The following NEB variants were observed in gnomAD, a reference collection of about 807,000 sequenced individuals.
NEB encodes nebulin, also known as nemaline myopathy type 2.
NEB carries 512 observed loss-of-function variants against 952.2 expected under a neutral mutation model. The observed-to-expected ratio is 0.54, with a 90% confidence interval of 0.50 to 0.58. The LOEUF (loss-of-function observed/expected upper bound fraction) is 0.58. Ranked by LOEUF, NEB falls within the 20% of genes least tolerant of loss-of-function variation. NEB has a pLI of 0.00. For synonymous variants in NEB, 2,900 were observed against 3,149.8 expected (o/e 0.92, Z 2.66); for missense variants, 8,428 against 9,231.1 (o/e 0.91, Z 3.56).
rs201738560 is a variant in NEB at position 151,655,319 on chromosome 2, T to C, written c.6758A>G (p.Asp2253Gly). 1.2e-6 allele frequency: 2 copies of C among 1,602,438 alleles called. No individual in the cohort carries two copies. Among genetic ancestry groups the C allele is most frequent in the Middle Eastern group, 1.7e-4 (1 of 6,032 alleles). ...CTTGGCTTGTAAAATATCTGGTGTA[T>C]CAGGCATCACATGAATCTTGGTCTT... is the stretch of plus-strand genomic sequence containing the variant. Reference protein sequence around the residue: ...KDKTKIHVMPDTPDILQAKQN... With the variant: ...KDKTKIHVMPGTPDILQAKQN... Residue 2253 changes from aspartate (D) to glycine (G), a missense_variant, in exon 51 of 182, where the codon GAT becomes GGT. Asp to Gly is a moderately conservative substitution (Grantham distance 94). Around this residue, in one of 11 missense-constraint regions of NEB, gnomAD observed 2,851 missense variants for 2,791.5 expected, o/e 1.02. Coordinates refer to ENST00000397345, the MANE Select transcript of NEB (RefSeq NM_001164508.2).
At chr2:151,729,017 A>G (rs1385501479) in intron 4 of NEB, among the ~76,000 whole-genome samples, 4 of 152,192 alleles carry the variant, frequency 2.6e-5, no homozygotes, top group African/African-American at 7.2e-5. Context: ...TCATGCTCAA[A>G]GAGAAACAGC....
intron 113 of NEB, among the ~76,000 whole-genome samples, chr2:151,567,835 A>T (rs1372857675): frequency 2.6e-5 from 4 of 152,172 alleles, no homozygotes; most frequent in Non-Finnish European, 4.4e-5. Context: ...GAATTTGAAC[A>T]ATTGCTTTTA....
intron 60 of NEB, among the ~76,000 whole-genome samples, chr2:151,641,669 A>G (rs1352044698): frequency 6.6e-6 from 1 of 152,156 alleles, no homozygotes; most frequent in Non-Finnish European, 1.5e-5. Context: ...GTATTTCATT[A>G]TATGGTATTT....
In NEB at chr2:151,565,027, C is replaced by G. The variant is rs1277219355; in HGVS notation, c.18471+17G>C. ...CAAATTAGAAATTGAGTGGTTATTA[C>G]ATAAAAGAGAACTTACAGTACTGTA... On this transcript the variant is annotated intron_variant, in intron 117 of 181. Transcript: ENST00000397345. The G allele has an allele frequency of 7.0e-7, 1 of 1,430,458 alleles. No homozygotes were observed. Among genetic ancestry groups the G allele is most frequent in the African/African-American group, 1.4e-5 (1 of 70,776 alleles). The allele number at this position is 1,430,458 out of a possible 1,614,324, so 88.6% of individuals were successfully genotyped here.
At chr2:151,640,756 A>AC in intron 60 of NEB, 90 bp from the exon 61 acceptor site, 1 of 1,322,680 alleles carries the variant, frequency 7.6e-7, no homozygotes, top group Non-Finnish European at 1.0e-6. Flanking sequence ...ATTAAAAAAA[A>AC]AATTTTCCCT....
rs550543287 is a variant in NEB at position 151,534,935 on chromosome 2, C to T, written c.21312+756G>A. Among the ~76,000 whole-genome samples, 417 of 152,240 alleles carry T rather than the reference C, an allele frequency of 2.7e-3. 2 individuals are homozygous for T. The highest frequency in any genetic ancestry group is 4.0e-3 in the Non-Finnish European group (271 of 68,014). On this transcript the variant is annotated intron_variant, in intron 142 of 181. Transcript: ENST00000397345. ...AAAGTCATACATTTAAGTAAATATACCATTGGCTATATTTTCATTTTTAGA... is the reference window on the plus strand; with the variant it reads ...AAAGTCATACATTTAAGTAAATATATCATTGGCTATATTTTCATTTTTAGA...
chr2:151,552,395 C>A (rs530125387), intron 128 of NEB, among the ~76,000 whole-genome samples: 4 of 152,292 alleles, frequency 2.6e-5, no homozygotes, highest in Non-Finnish European at 5.9e-5. Context: ...AATAAACTTG[C>A]TATGACACAG....
In NEB at chr2:151,640,617, G is replaced by T; in HGVS notation, c.8423C>A (p.Ala2808Asp). Reference sequence around the variant, plus strand: ...CTTGGGGTCATCACGTATAGCTCGGGCACCAATGTGGTGGCCGAGCTGCTT... The same window carrying T: ...CTTGGGGTCATCACGTATAGCTCGGTCACCAATGTGGTGGCCGAGCTGCTT... ...YRKQLGHHIG[A>D]RAIRDDPKMM... The change falls in exon 61 of 182, where the codon GCC becomes GAC. Residue 2808 changes from alanine (A) to aspartate (D), a missense_variant. Around this residue, in one of 11 missense-constraint regions of NEB, gnomAD observed 1,772 missense variants for 1,960.3 expected, o/e 0.90. Coordinates refer to ENST00000397345, the MANE Select transcript of NEB (RefSeq NM_001164508.2). 1 of 1,613,852 alleles carries T rather than the reference G, an allele frequency of 6.2e-7. No individual in the cohort carries two copies. The highest frequency in any genetic ancestry group is 1.1e-5 in the South Asian group (1 of 91,068).
Position 151,560,627 on chromosome 2 carries a change from T to C in NEB, c.19279A>G (p.Thr6427Ala). 6.2e-7 allele frequency: 1 copy of C among 1,612,648 alleles called. No individual in the cohort carries two copies. Among genetic ancestry groups the C allele is most frequent in the Non-Finnish European group, 8.5e-7 (1 of 1,179,422 alleles). ...YILPSSTLSL[T>A]HAKNQKHLAS... ...AGATGCTTCTGGTTCTTGGCGTGTGTCAGGGACAAGGTGCTGGAAGGCAGG... is the reference window on the plus strand; with the variant it reads ...AGATGCTTCTGGTTCTTGGCGTGTGCCAGGGACAAGGTGCTGGAAGGCAGG... The change falls in exon 124 of 182, where the codon ACA (threonine) becomes GCA (alanine). Residue 6427 changes from threonine to alanine, a missense_variant. By Grantham distance (58) the Thr-to-Ala change is moderately conservative (BLOSUM62 0). This residue lies in a region of NEB where 3,374 missense variants were observed against 3,651.5 expected (regional missense o/e 0.92). Transcript: ENST00000397345.
intron 103 of NEB, 84 bp downstream of exon 103, chr2:151,581,399 T>C (rs2097087400): frequency 2.5e-6 from 1 of 392,542 alleles, no homozygotes; most frequent in East Asian, 3.7e-5. Context: ...AAATGCCTTT[T>C]GACAAACTCT....
chr2:151,694,325 C>T lies in NEB; in HGVS notation c.1894G>A (p.Asp632Asn). The T allele has an allele frequency of 1.2e-6, 2 of 1,612,568 alleles. No individual in the cohort carries two copies. The highest frequency in any genetic ancestry group is 1.7e-6 in the Non-Finnish European group (2 of 1,178,608). ...HSLKVAKNQSDRLYKENYEKT... is the reference protein window; with the variant it reads ...HSLKVAKNQSNRLYKENYEKT... Reference sequence around the variant, plus strand: ...GGGTGAATTACAAAGAAACTCACATCACTCTGGTTTTTGGCCACCTTCAAG... The same window carrying T: ...GGGTGAATTACAAAGAAACTCACATTACTCTGGTTTTTGGCCACCTTCAAG... The change falls in exon 20 of 182, where the codon GAT (aspartate) becomes AAT (asparagine). Residue 632 changes from aspartate to asparagine, a missense_variant and splice_region_variant. By Grantham distance (23) the Asp-to-Asn change is conservative. This residue lies in a region of NEB where 2,851 missense variants were observed against 2,791.5 expected (regional missense o/e 1.02). Coordinates refer to ENST00000397345, the MANE Select transcript of NEB (RefSeq NM_001164508.2).
chr2:151,670,373 T>A (rs1038784531), intron 38 of NEB, among the ~76,000 whole-genome samples: 4 of 152,084 alleles, frequency 2.6e-5, no homozygotes, highest in Non-Finnish European at 5.9e-5. Flanking sequence ...AATTAACAAG[T>A]CATGTGAGGC....
At chr2:151,673,253 T>C (rs998543927) in intron 36 of NEB, among the ~76,000 whole-genome samples, 2 of 152,210 alleles carry the variant, frequency 1.3e-5, no homozygotes, top group African/African-American at 2.4e-5. Flanking sequence ...AGCAATGTGA[T>C]ATAAATTGGA....
rs1458705313 is a variant in NEB at position 151,496,978 on chromosome 2, A to G, written c.24356T>C (p.Met8119Thr). Residue 8119 changes from methionine (M) to threonine (T), a missense_variant, in exon 172 of 182, where the codon ATG becomes ACG. Around this residue, in one of 11 missense-constraint regions of NEB, gnomAD observed 3,374 missense variants for 3,651.5 expected, o/e 0.92. Coordinates refer to ENST00000397345, the MANE Select transcript of NEB (RefSeq NM_001164508.2). ...KGTPLPVTPE[M>T]ERVKHNQENI... ...TTCTTGATTGTGTTTGACTCTCTCCATCTCAGGAGTGACAGGTAGAGGGGT... is the reference window on the plus strand; with the variant it reads ...TTCTTGATTGTGTTTGACTCTCTCCGTCTCAGGAGTGACAGGTAGAGGGGT... 3 of 1,581,560 alleles carry G rather than the reference A, an allele frequency of 1.9e-6. No homozygotes were observed. Among genetic ancestry groups the G allele is most frequent in the Admixed American group, 3.6e-5 (2 of 55,208 alleles).
In NEB at chr2:151,575,768, T is replaced by G; in HGVS notation, c.16940A>C (p.Lys5647Thr). ...PKYREVWDKDKTSIHIMPDTP... is the reference protein window; with the variant it reads ...PKYREVWDKDTTSIHIMPDTP... ...ATCTGGCATTATGTGTATTGAAGTT[T>G]TATCCTTGTCCCAAACCTCTCTGTA... The change falls in exon 107 of 182, where the codon AAA becomes ACA. Residue 5647 changes from lysine (K) to threonine (T), a missense_variant. Coordinates refer to ENST00000397345, the MANE Select transcript of NEB (RefSeq NM_001164508.2). The G allele has an allele frequency of 1.2e-6, 2 of 1,609,848 alleles. No homozygotes were observed. Among genetic ancestry groups the G allele is most frequent in the South Asian group, 2.2e-5 (2 of 90,986 alleles).
intron 146 of NEB, among the ~76,000 whole-genome samples, chr2:151,528,571 C>T (rs973769746): frequency 6.6e-6 from 1 of 152,210 alleles, no homozygotes; most frequent in African/African-American, 2.4e-5. Context: ...CCAGCTCCTA[C>T]AGGGATTCCA....
intron 170 of NEB, chr2:151,497,983 A>ACAAT (rs1460745454): frequency 2.9e-5 from 41 of 1,435,336 alleles, no homozygotes; most frequent in Admixed American, 1.4e-4. Flanking sequence ...TGCCTCCTAA[A>ACAAT]CAATCACATG....
At chr2:151,581,655 A>G in intron 102 of NEB, 68 bp from the exon 103 acceptor site, 1 of 1,494,282 alleles carries the variant, frequency 6.7e-7, no homozygotes, top group Non-Finnish European at 9.1e-7. Flanking sequence ...AAATAAAATT[A>G]TAAAGTCATA....
chr2:151,499,646 G>GA (rs2062929691), intron 168 of NEB: 2 of 305,660 alleles, frequency 6.5e-6, no homozygotes, highest in Non-Finnish European at 1.2e-5. Context: ...AGGAATTAAG[G>GA]AAAAAAATAC....
Sources: allele counts gnomAD v4.1 joint callset (sites outside exome capture counted in the v4.1 genomes callset), GRCh38; gene constraint gnomAD v4.1.1; regional missense constraint gnomAD v4.1.1; transcripts MANE v1.5; gene names NCBI Gene and HGNC (gene_info 2026-07-23, HGNC 2026-07-21).